Variants in CCSER1 observed in about 807,000 individuals in gnomAD.
CCSER1 encodes serine-rich coiled-coil domain-containing protein 1.
In CCSER1, 41 loss-of-function variants were observed where a neutral mutation model predicts 82.0. The ratio of observed to expected loss-of-function variants is 0.50; its 90% CI spans 0.39 to 0.65. CCSER1 has a LOEUF of 0.65. Among genes scored for constraint, CCSER1 ranks in the 30% least tolerant of loss-of-function variants. The probability of loss-of-function intolerance (pLI) is 0.00; values close to 1 mark genes in which losing one functional copy is unlikely to be tolerated. For synonymous variants in CCSER1, 414 were observed against 383.9 expected, an observed-to-expected ratio of 1.08 and a Z score of -0.92; for missense variants, 1,119 against 1,064.2, an observed-to-expected ratio of 1.05 and a Z score of -0.72.
At chr4:90,719,042 T>G (rs193101458) in intron 6 of CCSER1, among the ~76,000 whole-genome samples, 17 of 152,146 alleles carry the variant, frequency 1.1e-4, no homozygotes, top group African/African-American at 3.6e-4. Context: ...GCTCCTCAAC[T>G]TCCTGGCCAC....
At chr4:90,195,078 A>G (rs935880644) in intron 1 of CCSER1, among the ~76,000 whole-genome samples, 1 of 152,128 alleles carries the variant, frequency 6.6e-6, no homozygotes, top group South Asian at 2.1e-4. Context: ...TCATATTTCA[A>G]TAAAAGGGAA....
intron 5 of CCSER1, among the ~76,000 whole-genome samples, chr4:90,504,445 T>A (rs1560625548): frequency 6.6e-6 from 1 of 152,204 alleles, no homozygotes; most frequent in Non-Finnish European, 1.5e-5. Flanking sequence ...TTCACTGTTT[T>A]ATAAATGATA....
intron 10 of CCSER1, among the ~76,000 whole-genome samples, chr4:91,115,806 C>CTTTTTTTTTTTT (rs527629667): frequency 2.0e-5 from 2 of 101,564 alleles, no homozygotes; most frequent in Non-Finnish European, 3.8e-5. Context: ...CTAGCTTTTT[C>CTTTTTTTTTTTT]TTTTTTTTTT....
intron 7 of CCSER1, among the ~76,000 whole-genome samples, chr4:90,762,810 A>T (rs942708351): frequency 3.3e-5 from 5 of 152,112 alleles, no homozygotes; most frequent in African/African-American, 7.2e-5. Context: ...TGAAAAAGGG[A>T]TTCTTTGCAG....
At chr4:90,782,480 C>G (rs1753903619) in intron 7 of CCSER1, among the ~76,000 whole-genome samples, 2 of 151,888 alleles carry the variant, frequency 1.3e-5, no homozygotes, top group African/African-American at 4.8e-5. Flanking sequence ...TCTATTAAGG[C>G]TTTTTTAGTG....
rs1229328054 is a variant in CCSER1, at chr4:90,455,487, G to A, written c.1604-12747G>A. Among the ~76,000 whole-genome samples, 7 of 152,302 alleles carry A rather than the reference G, an allele frequency of 4.6e-5. No individual in the cohort carries two copies. The South Asian group carries it at 1.5e-3, about 32-fold the overall frequency. ...GTGATTCAGGATGCAGTCAAGAGGA[G>A]TGCAGGTTGAAGATGGTTGGTTACC... is the stretch of plus-strand genomic sequence containing the variant. On this transcript the variant is annotated intron_variant, in intron 4 of 10. Coordinates refer to ENST00000509176, the MANE Select transcript of CCSER1 (RefSeq NM_001145065.2).
chr4:91,264,342 TTAGG>T (rs1741412969), intron 10 of CCSER1, among the ~76,000 whole-genome samples: 1 of 151,800 alleles, frequency 6.6e-6, no homozygotes, highest in Non-Finnish European at 1.5e-5. Flanking sequence ...GTAGTTAGTA[TTAGG>T]TAGGTACTTC....
intron 5 of CCSER1, among the ~76,000 whole-genome samples, chr4:90,529,934 AG>A (rs1241255183): frequency 2.3e-5 from 3 of 128,608 alleles, no homozygotes; most frequent in Non-Finnish European, 4.8e-5. Context: ...CATATTAAAT[AG>A]AATATATATA....
chr4:90,475,179 T>A (rs1313127301), intron 5 of CCSER1, among the ~76,000 whole-genome samples: 1 of 152,234 alleles, frequency 6.6e-6, no homozygotes, highest in African/African-American at 2.4e-5. Flanking sequence ...CTTATGATTC[T>A]TTACTAACAA....
chr4:90,303,651 C>G (rs1579066385), intron 1 of CCSER1, among the ~76,000 whole-genome samples: 1 of 151,896 alleles, frequency 6.6e-6, no homozygotes, highest in East Asian at 1.9e-4. Context: ...AAAATCAATT[C>G]AAGATGGATT....
chr4:90,915,923 A>T (rs534948373), intron 8 of CCSER1, among the ~76,000 whole-genome samples: 1 of 152,240 alleles, frequency 6.6e-6, no homozygotes, highest in East Asian at 1.9e-4. Flanking sequence ...AATTGCTTCA[A>T]AGAGAATAAA....
chr4:90,144,470 C>A (rs1560684298), intron 1 of CCSER1, among the ~76,000 whole-genome samples: 2 of 152,092 alleles, frequency 1.3e-5, no homozygotes, highest in Non-Finnish European at 2.9e-5. Context: ...ACTGCGACTG[C>A]CTTGGATATA....
chr4:90,593,298 G>T (rs1271690582), intron 5 of CCSER1, among the ~76,000 whole-genome samples: 1 of 152,092 alleles, frequency 6.6e-6, no homozygotes, highest in African/African-American at 2.4e-5. Context: ...AGTGTTACTG[G>T]TGGAGGGGGT....
intron 10 of CCSER1, among the ~76,000 whole-genome samples, chr4:91,483,591 A>T (rs1758061413): frequency 6.6e-6 from 1 of 151,964 alleles, no homozygotes; most frequent in African/African-American, 2.4e-5. Flanking sequence ...ACCTGCCACC[A>T]TTCCCAGCTA....
chr4:90,732,096 TC>T (rs1744867740), intron 7 of CCSER1, among the ~76,000 whole-genome samples: 2 of 150,688 alleles, frequency 1.3e-5, no homozygotes, highest in Non-Finnish European at 1.5e-5. Context: ...CCTCTTTCTC[TC>T]CTCAGCCTCT....
At chr4:91,531,786 A>T (rs753737819) in intron 10 of CCSER1, among the ~76,000 whole-genome samples, 24 of 152,200 alleles carry the variant, frequency 1.6e-4, no homozygotes, top group Non-Finnish European at 2.8e-4. Flanking sequence ...CACCTCTTGC[A>T]TAAGGACACT....
chr4:90,136,480 C>A (rs1723723395), intron 1 of CCSER1, among the ~76,000 whole-genome samples: 1 of 152,154 alleles, frequency 6.6e-6, no homozygotes, highest in Non-Finnish European at 1.5e-5. Context: ...TATTTATGTA[C>A]CTATTCACTG....
chr4:90,311,338 G>C (rs1735248143), intron 2 of CCSER1, among the ~76,000 whole-genome samples: 1 of 152,032 alleles, frequency 6.6e-6, no homozygotes, highest in African/African-American at 2.4e-5. Context: ...CTGGAAATTA[G>C]AGAATGATCA....
At chr4:91,350,926 G>A (rs1344101143) in intron 10 of CCSER1, among the ~76,000 whole-genome samples, 1 of 151,818 alleles carries the variant, frequency 6.6e-6, no homozygotes, top group Non-Finnish European at 1.5e-5. Context: ...ATTTTATACG[G>A]GGAGTAAATT....
Sources: gnomAD v4.1 joint callset for allele counts (sites outside exome capture counted in the v4.1 genomes callset) on GRCh38, gnomAD v4.1.1 for gene constraint, MANE v1.5 for transcripts, NCBI Gene and HGNC (gene_info 2026-07-23, HGNC 2026-07-21) for gene names.